The following CLEC4D variants were observed in gnomAD, a reference collection of about 807,000 sequenced individuals.
CLEC4D encodes the protein C-type (calcium dependent, carbohydrate-recognition domain) lectin, superfamily member 8.
CLEC4D carries 21 observed loss-of-function variants against 21.1 expected under a neutral mutation model. That is an observed-to-expected ratio of 1.00 (90% CI 0.71 to 1.43). The LOEUF is 1.43. Among genes scored for constraint, CLEC4D ranks in the 40% most tolerant of loss-of-function variants. CLEC4D has a pLI of 0.00. For missense variants in CLEC4D, 289 were observed against 260.7 expected, an observed-to-expected ratio of 1.11 and a Z score of -0.75; for synonymous variants, 85 against 83.1, an observed-to-expected ratio of 1.02 and a Z score of -0.12.
At chr12:8,520,558 G>T (rs1275714809) in intron 5 of CLEC4D, among the ~76,000 whole-genome samples, 1 of 152,130 alleles carries the variant, frequency 6.6e-6, no homozygotes, top group African/African-American at 2.4e-5. Context: ...AATAATGAAA[G>T]AATGAATAGC....
rs1318847774 is a variant in CLEC4D at position 8,513,709 on chromosome 12, A to G, written c.-24A>G. The G allele has an allele frequency of 1.9e-6, 2 of 1,029,732 alleles. No homozygotes were observed. Among genetic ancestry groups the G allele is most frequent in the South Asian group, 1.3e-5 (1 of 78,910 alleles). 63.8% of individuals were successfully genotyped at this position (1,029,732 alleles called of 1,614,324 possible). ...AGAACAAATTCTTGCCGTCCTGACCATTGAACAAGAGACTAATTAGACAAT... is the reference window on the plus strand; with the variant it reads ...AGAACAAATTCTTGCCGTCCTGACCGTTGAACAAGAGACTAATTAGACAAT... On this transcript the variant is annotated 5_prime_UTR_variant, in exon 1 of 6. Coordinates refer to ENST00000299665, the MANE Select transcript of CLEC4D (RefSeq NM_080387.5).
chr12:8,522,827 T>G (rs1447053252), downstream of CLEC4D, among the ~76,000 whole-genome samples: 4 of 152,196 alleles, frequency 2.6e-5, no homozygotes, highest in Admixed American at 2.6e-4. Context: ...TTTACGGTTT[T>G]GGGTTTTACA....
downstream of CLEC4D, among the ~76,000 whole-genome samples, chr12:8,526,891 G>A (rs1591722197): frequency 6.6e-6 from 1 of 152,180 alleles, no homozygotes; most frequent in East Asian, 1.9e-4. Context: ...TTTTGTTGTT[G>A]TTGTTGATGC....
downstream of CLEC4D, among the ~76,000 whole-genome samples, chr12:8,524,617 T>C (rs1940493592): frequency 6.6e-6 from 1 of 152,214 alleles, no homozygotes; most frequent in Admixed American, 6.5e-5. Context: ...GCTAGTCGTC[T>C]ATCTACTTTG....
In CLEC4D at chr12:8,521,245, A is replaced by C; in HGVS notation, c.622A>C (p.Lys208Gln). The change falls in exon 6 of 6, where the codon AAA (lysine) becomes CAA (glutamine). Residue 208 changes from lysine (K) to glutamine (Q), a missense_variant. Physicochemically the swap from Lys to Gln is moderately conservative, Grantham distance 53 (BLOSUM62 1). Transcript: ENST00000299665. Reference protein sequence around the residue: ...PCNFEASRICKIPGTTLN With the variant: ...PCNFEASRICQIPGTTLN ...TAACTTTGAAGCAAGTAGGATTTGT[A>C]AAATACCTGGAACAACATTGAACTA... is the stretch of plus-strand genomic sequence containing the variant. The C allele has an allele frequency of 6.2e-7, 1 of 1,612,560 alleles. No individual in the cohort carries two copies. Among genetic ancestry groups the C allele is most frequent in the South Asian group, 1.1e-5 (1 of 90,920 alleles).
At chr12:8,514,518 A>C (rs1940350752) in intron 1 of CLEC4D, among the ~76,000 whole-genome samples, 1 of 152,150 alleles carries the variant, frequency 6.6e-6, no homozygotes, top group South Asian at 2.1e-4. Context: ...TAGAATAGAC[A>C]CCTGTAATTG....
At chr12:8,519,669 A>T (rs991728709) in intron 4 of CLEC4D, among the ~76,000 whole-genome samples, 18 of 152,244 alleles carry the variant, frequency 1.2e-4, no homozygotes, top group African/African-American at 3.9e-4. Flanking sequence ...GATAAAGTAC[A>T]GGAAAACTAA....
At position 8,518,189 on chromosome 12, in the gene CLEC4D, TA is replaced by T; in HGVS notation, c.149del (p.Lys50ArgfsTer9). ...LVTHHNFSRC[K>X]RGTGVHKLEH... ...TGACTCATCACAACTTTTCACGCTG[TA>T]AGAGAGGCACAGGAGTGCACAAGTT... On this transcript the variant is annotated frameshift_variant, in exon 3 of 6. Transcript: ENST00000299665. LOFTEE classifies it high-confidence loss of function. 7.3e-7 allele frequency: 1 copy of T among 1,363,884 alleles called. No individual in the cohort carries two copies. Among genetic ancestry groups the T allele is most frequent in the Non-Finnish European group, 1.1e-6 (1 of 952,046 alleles). The allele number at this position is 1,363,884 out of a possible 1,614,324, so 84.5% of individuals were successfully genotyped here.
intron 4 of CLEC4D, 121 bp from the exon 5 acceptor site, chr12:8,520,105 C>A: frequency 7.1e-7 from 1 of 1,418,072 alleles, no homozygotes; most frequent in Non-Finnish European, 9.3e-7. Flanking sequence ...GAAAACAGAT[C>A]TATCTGATGC....
Position 8,521,975 on chromosome 12 carries a change from C to T in CLEC4D, c.*704C>T, listed in dbSNP as rs955659926. On this transcript the variant is annotated 3_prime_UTR_variant, in exon 6 of 6. Transcript: ENST00000299665. ...TCTACAGCAGAGGAAATAAAATCCCCCAGAAGCCAAAGGGCTCACCTTCAC... is the reference window on the plus strand; with the variant it reads ...TCTACAGCAGAGGAAATAAAATCCCTCAGAAGCCAAAGGGCTCACCTTCAC... The T allele has an allele frequency of 1.3e-5, 2 of 152,050 alleles. No individual in the cohort carries two copies. Among genetic ancestry groups the T allele is most frequent in the Admixed American group, 6.6e-5 (1 of 15,260 alleles). 9.4% of individuals were successfully genotyped at this position (152,050 alleles called of 1,614,324 possible).
chr12:8,518,306 T>C (rs1420210691), intron 3 of CLEC4D, 32 bp downstream of exon 3: 2 of 851,246 alleles, frequency 2.3e-6, no homozygotes, highest in East Asian at 2.6e-5. Context: ...CTTTTTTAAT[T>C]TCCATTTTCG....
At chr12:8,523,065 T>C (rs780217108), downstream of CLEC4D, among the ~76,000 whole-genome samples, 2 of 152,206 alleles carry the variant, frequency 1.3e-5, no homozygotes, top group Admixed American at 6.5e-5. Flanking sequence ...TATGTCTGTT[T>C]TGGGACCAGT....
chr12:8,523,769 T>G (rs1402307499), downstream of CLEC4D, among the ~76,000 whole-genome samples: 3 of 152,226 alleles, frequency 2.0e-5, no homozygotes, highest in Non-Finnish European at 4.4e-5. Context: ...CATCCTTGTC[T>G]TGTACCAGTT....
chr12:8,513,913 A>G (rs1940341809), intron 1 of CLEC4D, among the ~76,000 whole-genome samples, 153 bp downstream of exon 1: 2 of 152,162 alleles, frequency 1.3e-5, no homozygotes. Context: ...GAGGAAGGAC[A>G]TAGAGTCAAA....
At chr12:8,516,781 A>G (rs76751136) in intron 2 of CLEC4D, among the ~76,000 whole-genome samples, 2,087 of 152,362 alleles carry the variant, frequency 0.014, 50 homozygotes, top group African/African-American at 0.046. Flanking sequence ...ATGTGCTCCA[A>G]ATGCATGGTT....
intron 3 of CLEC4D, among the ~76,000 whole-genome samples, chr12:8,518,586 C>T (rs763950929): frequency 1.3e-5 from 2 of 152,366 alleles, no homozygotes; most frequent in East Asian, 3.9e-4. Context: ...TACAGCTTTG[C>T]TGACATGTCT....
chr12:8,519,216 AAG>A, intron 4 of CLEC4D, 56 bp downstream of exon 4: 4 of 1,580,950 alleles, frequency 2.5e-6, no homozygotes, highest in Non-Finnish European at 3.4e-6. Flanking sequence ...TTTCCAGAAA[AAG>A]AGGAATTTCT....
At chr12:8,513,821 A>G in intron 1 of CLEC4D, 61 bp downstream of exon 1, 4 of 804,200 alleles carry the variant, frequency 5.0e-6, no homozygotes, top group Non-Finnish European at 8.8e-6. Flanking sequence ...AATTTAAAAC[A>G]TATGAATTGA....
chr12:8,523,894 A>C (rs1177421827), downstream of CLEC4D, among the ~76,000 whole-genome samples: 1 of 152,168 alleles, frequency 6.6e-6, no homozygotes, highest in Non-Finnish European at 1.5e-5. Flanking sequence ...GTTTATTGAG[A>C]GTTTTTAACA....
Sources: allele counts gnomAD v4.1 joint callset (sites outside exome capture counted in the v4.1 genomes callset), GRCh38; gene constraint gnomAD v4.1.1; transcripts MANE v1.5; gene names NCBI Gene and HGNC (gene_info 2026-07-23, HGNC 2026-07-21).